Variants in GLO1 observed in about 807,000 individuals in gnomAD.
GLO1 encodes glyoxalase I, also known as lactoylglutathione lyase.
Under a neutral mutation model 26.0 loss-of-function variants are expected in GLO1, and 28 were observed. The ratio of observed to expected loss-of-function variants is 1.08; its 90% confidence interval spans 0.80 to 1.48. The LOEUF is 1.48. Ranked by LOEUF, GLO1 falls within the 40% of genes most tolerant of loss-of-function variation. The probability of loss-of-function intolerance (pLI) is 0.00; values close to 1 mark genes in which losing one functional copy is unlikely to be tolerated. For missense variants in GLO1, 225 were observed against 224.8 expected, an observed-to-expected ratio of 1.00 and a Z score of -0.01; for synonymous variants, 78 against 77.6, an observed-to-expected ratio of 1.00 and a Z score of -0.03.
chr6:38,680,312 G>A (rs1267765176), intron 5 of GLO1, among the ~76,000 whole-genome samples: 1 of 151,872 alleles, frequency 6.6e-6, no homozygotes, highest in Non-Finnish European at 1.5e-5. Context: ...ACCTGAGGTT[G>A]GGATTTTGAG....
chr6:38,699,046 C>T (rs1235132468), intron 1 of GLO1, among the ~76,000 whole-genome samples: 2 of 152,128 alleles, frequency 1.3e-5, no homozygotes, highest in Non-Finnish European at 2.9e-5. Context: ...CCCAACCTAC[C>T]ATGTTAGCCT....
At chr6:38,695,866 A>G (rs898719835) in intron 1 of GLO1, among the ~76,000 whole-genome samples, 1 of 152,126 alleles carries the variant, frequency 6.6e-6, no homozygotes, top group Non-Finnish European at 1.5e-5. Context: ...GTCTGTGTCC[A>G]TCAGCATTTC....
At chr6:38,701,433 T>C (rs1323003696) in intron 1 of GLO1, among the ~76,000 whole-genome samples, 1 of 150,068 alleles carries the variant, frequency 6.7e-6, no homozygotes, top group Admixed American at 6.6e-5. Context: ...ATTTAGATAC[T>C]GTGGAATGTA....
intron 1 of GLO1, among the ~76,000 whole-genome samples, chr6:38,691,463 C>T (rs1328243639): frequency 6.6e-6 from 1 of 152,104 alleles, no homozygotes; most frequent in Non-Finnish European, 1.5e-5. Flanking sequence ...CACCAGCCAC[C>T]ACGCCCAGCT....
intron 3 of GLO1, among the ~76,000 whole-genome samples, chr6:38,683,400 T>C (rs1049055271): frequency 6.6e-6 from 1 of 152,222 alleles, no homozygotes; most frequent in African/African-American, 2.4e-5. Context: ...CAAATTTGAA[T>C]GTTAATTATT....
At chr6:38,689,819 C>T (rs998480172) in intron 1 of GLO1, among the ~76,000 whole-genome samples, 12 of 151,858 alleles carry the variant, frequency 7.9e-5, no homozygotes, top group African/African-American at 2.9e-4. Context: ...TGGTGGTGCA[C>T]GAATTAATAT....
chr6:38,692,916 T>C (rs1761552380), intron 1 of GLO1, among the ~76,000 whole-genome samples: 1 of 151,368 alleles, frequency 6.6e-6, no homozygotes, highest in South Asian at 2.1e-4. Context: ...CTATATATAC[T>C]GTTGAATTCT....
At chr6:38,682,173 A>T in intron 4 of GLO1, 72 bp from the exon 5 acceptor site, 1 of 855,048 alleles carries the variant, frequency 1.2e-6, no homozygotes, top group Non-Finnish European at 2.0e-6. Context: ...AAGTACCACA[A>T]GTAGATTCCA....
chr6:38,689,970 G>A (rs894668080), intron 1 of GLO1, among the ~76,000 whole-genome samples: 2 of 151,816 alleles, frequency 1.3e-5, no homozygotes, highest in African/African-American at 4.8e-5. Context: ...GACTACAGGC[G>A]CCCGCCACCC....
chr6:38,683,458 C>T (rs1410851104), intron 3 of GLO1, among the ~76,000 whole-genome samples: 1 of 152,190 alleles, frequency 6.6e-6, no homozygotes, highest in South Asian at 2.1e-4. Flanking sequence ...TATCACATTT[C>T]TGGATCCAAA....
At chr6:38,682,502 T>C (rs1761396746) in intron 4 of GLO1, among the ~76,000 whole-genome samples, 1 of 152,054 alleles carries the variant, frequency 6.6e-6, no homozygotes, top group Non-Finnish European at 1.5e-5. Flanking sequence ...CAGAAGTGTA[T>C]GTGCTAGCAG....
chr6:38,683,926 T>C (rs1325502103), intron 3 of GLO1, among the ~76,000 whole-genome samples: 2 of 150,044 alleles, frequency 1.3e-5, no homozygotes, highest in African/African-American at 2.5e-5. Flanking sequence ...AAAAGACAAA[T>C]GGGCCAGGCG....
chr6:38,679,543 C>T (rs556832190), intron 5 of GLO1, among the ~76,000 whole-genome samples: 24 of 152,182 alleles, frequency 1.6e-4, no homozygotes, highest in African/African-American at 5.5e-4. Flanking sequence ...CATCTGTAAT[C>T]CCAATACTTT....
In GLO1 at chr6:38,684,367, TACTC is replaced by T; in HGVS notation, c.308+3_308+6del. 7.2e-7 allele frequency: 1 copy of T among 1,379,402 alleles called. No homozygotes were observed. The allele number at this position is 1,379,402 out of a possible 1,614,324, so 85.4% of individuals were successfully genotyped here. On this transcript the variant is annotated splice_donor_5th_base_variant and intron_variant, in intron 3 of 5. Coordinates refer to ENST00000373365, the MANE Select transcript of GLO1 (RefSeq NM_006708.3). ...TAATATATATAAATATAGAAACTCA[TACTC>T]ACTGTGTCAGCTCAAGTGTAGCTTT...
intron 1 of GLO1, among the ~76,000 whole-genome samples, chr6:38,693,999 T>C (rs1000824429): frequency 4.6e-5 from 7 of 152,166 alleles, no homozygotes; most frequent in Non-Finnish European, 1.0e-4. Context: ...CGTGAGCCAC[T>C]GCACCCGGCC....
Position 38,684,413 on chromosome 6 carries a change from G to C in GLO1, c.269C>G (p.Ala90Gly). The C allele has an allele frequency of 6.4e-7, 1 of 1,568,022 alleles. No homozygotes were observed. The highest frequency in any genetic ancestry group is 8.7e-7 in the Non-Finnish European group (1 of 1,155,110). Residue 90 changes from alanine to glycine, a missense_variant, in exon 3 of 6, where the codon GCC becomes GGC. By Grantham distance (60) the Ala-to-Gly change is moderately conservative. Coordinates refer to ENST00000373365, the MANE Select transcript of GLO1 (RefSeq NM_006708.3). ...DIPKEKDEKI[A>G]WALSRKATLE... ...TGTAGCTTTTCTGGAGAGCGCCCAG[G>C]CTATTTTTTCATCTTTTTCTTTAGG... is the stretch of plus-strand genomic sequence containing the variant.
At chr6:38,679,793 CAAAA>C (rs58819710) in intron 5 of GLO1, among the ~76,000 whole-genome samples, 1 of 124,654 alleles carries the variant, frequency 8.0e-6, no homozygotes. Flanking sequence ...GACTCTGTCT[CAAAA>C]AAAAAAAAAA....
At chr6:38,693,685 C>CTCTCTATATATATATATATA (rs869232489) in intron 1 of GLO1, among the ~76,000 whole-genome samples, 29 of 86,430 alleles carry the variant, frequency 3.4e-4, no homozygotes, top group Non-Finnish European at 5.3e-4. Flanking sequence ...CTCTCTCTCT[C>CTCTCTATATATATATATATA]TATATATATA....
chr6:38,682,168 C>A (rs1761391590), intron 4 of GLO1, 67 bp from the exon 5 acceptor site: 1 of 879,136 alleles, frequency 1.1e-6, no homozygotes, highest in African/African-American at 1.6e-5. Flanking sequence ...TGTCCAAGTA[C>A]CACAAGTAGA....
Sources: gnomAD v4.1 joint callset for allele counts (sites outside exome capture counted in the v4.1 genomes callset) on GRCh38, gnomAD v4.1.1 for gene constraint, MANE v1.5 for transcripts, NCBI Gene and HGNC (gene_info 2026-07-23, HGNC 2026-07-21) for gene names.